The following EIF3F variants were observed in gnomAD, a reference collection of about 807,000 sequenced individuals.
EIF3F encodes the protein eukaryotic translation initiation factor 3 subunit F.
Under a neutral mutation model 36.0 loss-of-function variants are expected in EIF3F, and 8 were observed. The ratio of observed to expected loss-of-function variants is 0.22; its 90% CI spans 0.13 to 0.40. EIF3F has a LOEUF of 0.40. EIF3F is among the 10% of genes least tolerant of loss of function. The probability of loss-of-function intolerance (pLI) is 1.00; values close to 1 mark genes in which losing one functional copy is unlikely to be tolerated. For synonymous variants in EIF3F, 184 were observed against 188.5 expected (o/e 0.98, Z 0.19); for missense variants, 430 against 467.6 (o/e 0.92, Z 0.74).
At chr11:7,991,890 C>T (rs930678013) in intron 2 of EIF3F, 39 bp downstream of exon 2, 1 of 1,611,174 alleles carries the variant, frequency 6.2e-7, no homozygotes, top group Non-Finnish European at 8.5e-7. Context: ...CAGTTTTTAG[C>T]TGTTCATTTG....
In EIF3F at chr11:8,001,367, T is replaced by C. The variant is rs1942219613; in HGVS notation, c.*5345T>C. On this transcript the variant is annotated 3_prime_UTR_variant, in exon 8 of 8. Transcript: ENST00000651655. Reference sequence around the variant, plus strand: ...CATGCCCTTAACCCAGGAATTCCACTCCTCATTATATATCCTACAAATAAA... The same window carrying C: ...CATGCCCTTAACCCAGGAATTCCACCCCTCATTATATATCCTACAAATAAA... 6.6e-6 allele frequency: 1 copy of C among 152,186 alleles called. No individual in the cohort carries two copies. The highest frequency in any genetic ancestry group is 1.5e-5 in the Non-Finnish European group (1 of 68,034). The allele number at this position is 152,186 out of a possible 1,614,324, so 9.4% of individuals were successfully genotyped here.
intron 7 of EIF3F, 144 bp from the exon 8 acceptor site, chr11:7,995,801 T>C: frequency 1.4e-6 from 1 of 722,622 alleles, no homozygotes; most frequent in Middle Eastern, 2.4e-4. Context: ...CTTCTACCTT[T>C]TTGACTTTTA....
At chr11:7,994,546 A>C (rs1423008625) in intron 5 of EIF3F, 29 bp downstream of exon 5, 1 of 1,597,512 alleles carries the variant, frequency 6.3e-7, no homozygotes. Flanking sequence ...CACTCGCGAG[A>C]GGCCATAGGC....
chr11:7,994,847 G>C (rs971022103), intron 5 of EIF3F, 135 bp from the exon 6 acceptor site: 1 of 1,293,196 alleles, frequency 7.7e-7, no homozygotes, highest in Non-Finnish European at 1.1e-6. Flanking sequence ...GTGTGACTGA[G>C]CAGACTGAGT....
intron 1 of EIF3F, among the ~76,000 whole-genome samples, chr11:7,989,112 G>C (rs1283631532): frequency 3.9e-5 from 6 of 152,046 alleles, no homozygotes; most frequent in Admixed American, 3.3e-4. Flanking sequence ...ATTAAGTGCC[G>C]GTCCTCCATC....
chr11:7,993,745 C>T (rs1182887683), intron 4 of EIF3F, among the ~76,000 whole-genome samples: 1 of 152,146 alleles, frequency 6.6e-6, no homozygotes, highest in Non-Finnish European at 1.5e-5. Flanking sequence ...GATGCCAAGT[C>T]TTTATGAGCC....
At position 7,999,484 on chromosome 11, in the gene EIF3F, A is replaced by G. The variant is rs754737371; in HGVS notation, c.*3462A>G. On this transcript the variant is annotated 3_prime_UTR_variant, in exon 8 of 8. Transcript: ENST00000651655. ...TAATTACAATAAAATACAAAGAGCT[A>G]TTTTGGAACTGGGCAAGCTGTTTCT... 3.9e-5 allele frequency: 6 copies of G among 152,216 alleles called. No homozygotes were observed. Among genetic ancestry groups the G allele is most frequent in the African/African-American group, 9.6e-5 (4 of 41,456 alleles). The allele number at this position is 152,216 out of a possible 1,614,324, so 9.4% of individuals were successfully genotyped here.
Position 8,001,393 on chromosome 11 carries a change from C to G in EIF3F, c.*5371C>G, listed in dbSNP as rs1564889139. ...CCTCATTATATATCCTACAAATAAACTGGTCTCGTTATGACACAATGTAAT... is the reference window on the plus strand; with the variant it reads ...CCTCATTATATATCCTACAAATAAAGTGGTCTCGTTATGACACAATGTAAT... On this transcript the variant is annotated 3_prime_UTR_variant, in exon 8 of 8. Transcript: ENST00000651655. 6.6e-6 allele frequency: 1 copy of G among 152,108 alleles called. No individual in the cohort carries two copies. Among genetic ancestry groups the G allele is most frequent in the Non-Finnish European group, 1.5e-5 (1 of 68,038 alleles). The allele number at this position is 152,108 out of a possible 1,614,324, so 9.4% of individuals were successfully genotyped here. A position where few individuals can be genotyped will look rare whatever the true frequency, so the allele number is the denominator to read the frequency against.
In EIF3F at chr11:7,987,726, C is replaced by A. The variant is rs747649766; in HGVS notation, c.364+10C>A. 2.0e-6 allele frequency: 3 copies of A among 1,502,492 alleles called. No homozygotes were observed. In the South Asian group the frequency reaches 4.0e-5, roughly 20 times the overall value. The allele number at this position is 1,502,492 out of a possible 1,614,324, so 93.1% of individuals were successfully genotyped here. A position where few individuals can be genotyped will look rare whatever the true frequency, so the allele number is the denominator to read the frequency against. On this transcript the variant is annotated intron_variant, in intron 1 of 7. Transcript: ENST00000651655. ...ATCGGGACCCTGTTGGGTGAGTGGTCAGAGAAAGTTAACATTCTTTTCTTC... is the reference window on the plus strand; with the variant it reads ...ATCGGGACCCTGTTGGGTGAGTGGTAAGAGAAAGTTAACATTCTTTTCTTC...
At chr11:7,991,911 C>T in intron 2 of EIF3F, 60 bp downstream of exon 2, 3 of 1,582,362 alleles carry the variant, frequency 1.9e-6, no homozygotes, top group Non-Finnish European at 2.6e-6. Context: ...CTCGGCTCCC[C>T]TCACGGTCCC....
Position 7,990,175 on chromosome 11 carries a change from G to A in EIF3F, c.365-1606G>A, listed in dbSNP as rs572560668. The stretch of plus-strand genomic sequence containing the variant: ...TTTGGTTAAGTGTGAAAGAAGAAAG[G>A]GAAGGTAGGGGTTGACTAAAGGTCT... On this transcript the variant is annotated intron_variant, in intron 1 of 7. Transcript: ENST00000651655. 7.2e-4 allele frequency among the ~76,000 whole-genome samples: 110 copies of A among 152,334 alleles called. 1 individual carries two copies. Among genetic ancestry groups the A allele is most frequent in the African/African-American group, 2.5e-3 (105 of 41,578 alleles).
intron 4 of EIF3F, among the ~76,000 whole-genome samples, chr11:7,994,090 C>T (rs1258258808): frequency 6.6e-6 from 1 of 152,102 alleles, no homozygotes; most frequent in African/African-American, 2.4e-5. Context: ...TCTCTGTCTC[C>T]TTTCCATGGT....
intron 6 of EIF3F, 28 bp from the exon 7 acceptor site, chr11:7,995,226 C>A (rs561148995): frequency 6.2e-7 from 1 of 1,609,372 alleles, no homozygotes; most frequent in Non-Finnish European, 8.5e-7. Flanking sequence ...AATTAACTGC[C>A]TCATCGAGTC....
intron 1 of EIF3F, 103 bp downstream of exon 1, chr11:7,987,819 T>C (rs1942045265): frequency 2.9e-6 from 4 of 1,371,642 alleles, no homozygotes. Flanking sequence ...CCTACCGTCC[T>C]TTCCTCCCAT....
Position 7,996,169 on chromosome 11 carries a change from T to C in EIF3F, c.*147T>C. 1.5e-6 allele frequency: 1 copy of C among 668,802 alleles called. No individual in the cohort carries two copies. 41.4% of individuals were successfully genotyped at this position (668,802 alleles called of 1,614,324 possible). ...TAAACGGAGCCTACCTTTTGTAAATTAATTTCATCTTATGTGAGTTTATTG... is the reference window on the plus strand; with the variant it reads ...TAAACGGAGCCTACCTTTTGTAAATCAATTTCATCTTATGTGAGTTTATTG... On this transcript the variant is annotated 3_prime_UTR_variant, in exon 8 of 8. Transcript: ENST00000651655.
intron 1 of EIF3F, among the ~76,000 whole-genome samples, chr11:7,991,091 A>C (rs146250171): frequency 0.014 from 2,184 of 152,076 alleles, 16 homozygotes; most frequent in East Asian, 0.029. Flanking sequence ...GCTACTCGGG[A>C]AGCTGAGGCA....
intron 1 of EIF3F, among the ~76,000 whole-genome samples, chr11:7,988,914 GAC>G (rs768378249): frequency 6.6e-6 from 1 of 152,190 alleles, no homozygotes; most frequent in Non-Finnish European, 1.5e-5. Flanking sequence ...AATGCATACA[GAC>G]ACACATTTTC....
chr11:7,991,821 T>C lies in EIF3F; in HGVS notation c.405T>C (p.Phe135=), dbSNP rs1481329479. Residue 135 remains phenylalanine, a synonymous_variant, in exon 2 of 8, where the codon TTT becomes TTC. Transcript: ENST00000651655. The part of the protein sequence containing the change: ...DKHSVEVTNC[F]SVPHNESEDE... ...ACTCAGTGGAGGTCACCAATTGCTT[T>C]TCAGTGCCGCACAATGAGTCAGAAG... 2 of 1,614,110 alleles carry C rather than the reference T, an allele frequency of 1.2e-6. No individual in the cohort carries two copies. The highest frequency in any genetic ancestry group is 1.7e-5 in the Admixed American group (1 of 60,006).
intron 1 of EIF3F, among the ~76,000 whole-genome samples, chr11:7,990,705 A>T (rs1037251486): frequency 1.3e-5 from 2 of 152,156 alleles, no homozygotes; most frequent in Non-Finnish European, 2.9e-5. Context: ...AGCAGAAACC[A>T]TAGTGAGTTG....
Sources: gnomAD v4.1 joint callset for allele counts (sites outside exome capture counted in the v4.1 genomes callset) on GRCh38, gnomAD v4.1.1 for gene constraint, MANE v1.5 for transcripts, NCBI Gene and HGNC (gene_info 2026-07-23, HGNC 2026-07-21) for gene names.